TMPRSS7: variants seen among roughly 807,000 people sequenced by gnomAD.
TMPRSS7 encodes the protein transmembrane protease serine 7.
TMPRSS7 carries 81 observed loss-of-function variants against 95.6 expected under a neutral mutation model. That is an observed-to-expected ratio of 0.85 (90% confidence interval 0.71 to 1.02). The LOEUF (loss-of-function observed/expected upper bound fraction) is 1.02. Ranked by LOEUF, TMPRSS7 falls within the 50% of genes least tolerant of loss-of-function variation. The pLI is 0.00. For synonymous variants in TMPRSS7, 364 were observed against 337.8 expected (o/e 1.08, Z -0.85); for missense variants, 945 against 955.2 (o/e 0.99, Z 0.14).
At chr3:112,054,173 A>G (rs903832806) in intron 9 of TMPRSS7, among the ~76,000 whole-genome samples, 10 of 152,196 alleles carry the variant, frequency 6.6e-5, no homozygotes, top group African/African-American at 2.4e-4. Context: ...TGGGTTGTGT[A>G]CACACCACCA....
At chr3:112,073,974 G>A (rs1303189455) in intron 13 of TMPRSS7, among the ~76,000 whole-genome samples, 3 of 152,244 alleles carry the variant, frequency 2.0e-5, no homozygotes, top group Non-Finnish European at 2.9e-5. Flanking sequence ...GAGAATAAGA[G>A]AAGGTAATAG....
exon 14 of TMPRSS7, chr3:112,074,344 T>C: frequency 6.2e-7 from 1 of 1,614,094 alleles, no homozygotes; most frequent in Non-Finnish European, 8.5e-7. Context: ...GATATTTGCT[T>C]TAGGAAACAA....
chr3:112,040,941 T>A (rs764676485), intron 2 of TMPRSS7, among the ~76,000 whole-genome samples: 1 of 152,136 alleles, frequency 6.6e-6, no homozygotes, highest in Non-Finnish European at 1.5e-5. Flanking sequence ...GTAAATGTAG[T>A]CTGATTGAAT....
At position 112,063,643 on chromosome 3, in the gene TMPRSS7, A is replaced by G; in HGVS notation, c.1555+11A>G. 1 of 1,604,912 alleles carries G rather than the reference A, an allele frequency of 6.2e-7. No homozygotes were observed. The highest frequency in any genetic ancestry group is 1.1e-5 in the South Asian group (1 of 90,848). On this transcript the variant is annotated intron_variant, in intron 12 of 17. Coordinates refer to ENST00000452346, the Ensembl canonical transcript of TMPRSS7. Reference sequence around the variant, plus strand: ...ATGAACTGTTTTGCGGTGGGTATTCAAGATTTTAATATGACTTTCTTATGA... The same window carrying G: ...ATGAACTGTTTTGCGGTGGGTATTCGAGATTTTAATATGACTTTCTTATGA...
At chr3:112,064,649 C>A (rs1342905627) in intron 12 of TMPRSS7, among the ~76,000 whole-genome samples, 1 of 152,202 alleles carries the variant, frequency 6.6e-6, no homozygotes, top group African/African-American at 2.4e-5. Context: ...AGGCACGAGC[C>A]ACTGCAGCCA....
intron 13 of TMPRSS7, among the ~76,000 whole-genome samples, chr3:112,072,591 G>A (rs1576121336): frequency 6.6e-6 from 1 of 152,256 alleles, no homozygotes; most frequent in Non-Finnish European, 1.5e-5. Flanking sequence ...AGTCTATAGG[G>A]GCAGTAGGCC....
At position 112,057,140 on chromosome 3, in the gene TMPRSS7, T is replaced by C. The variant is rs2073443137; in HGVS notation, c.1310+9T>C. 6.5e-7 allele frequency: 1 copy of C among 1,531,708 alleles called. No homozygotes were observed. Among genetic ancestry groups the C allele is most frequent in the Admixed American group, 1.7e-5 (1 of 58,080 alleles). 94.9% of individuals were successfully genotyped at this position (1,531,708 alleles called of 1,614,324 possible). A position where few individuals can be genotyped will look rare whatever the true frequency, so the allele number is the denominator to read the frequency against. On this transcript the variant is annotated intron_variant, in intron 10 of 17. Transcript: ENST00000452346. The stretch of plus-strand genomic sequence containing the variant: ...GAAATTAATGAGCACATGTAAGTGA[T>C]TTTCATATGTTTTCATATGTGAGGC...
At chr3:112,066,861 G>C (rs915854727) in intron 13 of TMPRSS7, among the ~76,000 whole-genome samples, 3 of 151,766 alleles carry the variant, frequency 2.0e-5, no homozygotes, top group Non-Finnish European at 4.4e-5. Flanking sequence ...TTTAATTCTA[G>C]GGTACATGTG....
chr3:112,049,117 G>A (rs879419690), intron 7 of TMPRSS7, among the ~76,000 whole-genome samples: 21 of 152,170 alleles, frequency 1.4e-4, no homozygotes, highest in African/African-American at 4.6e-4. Flanking sequence ...GGTCAAGCCC[G>A]GGCCATTCCT....
chr3:112,071,103 T>C (rs1226372576), intron 13 of TMPRSS7, among the ~76,000 whole-genome samples: 2 of 152,226 alleles, frequency 1.3e-5, no homozygotes, highest in Non-Finnish European at 2.9e-5. Context: ...CTTTCCATGT[T>C]TAGTGCTTCC....
intron 9 of TMPRSS7, among the ~76,000 whole-genome samples, chr3:112,052,920 TGAA>T (rs199937018): frequency 7.2e-6 from 1 of 138,062 alleles, no homozygotes; most frequent in South Asian, 2.4e-4. Context: ...TGAGAAATGC[TGAA>T]GAAAAAAAAA....
intron 13 of TMPRSS7, among the ~76,000 whole-genome samples, chr3:112,071,616 C>T (rs1028430151): frequency 3.9e-5 from 6 of 152,170 alleles, no homozygotes; most frequent in African/African-American, 9.7e-5. Context: ...TTCACATAGT[C>T]GCATATTTCT....
At chr3:112,067,073 T>C (rs533886388) in intron 13 of TMPRSS7, among the ~76,000 whole-genome samples, 46 of 152,302 alleles carry the variant, frequency 3.0e-4, no homozygotes, top group Middle Eastern at 3.4e-3. Flanking sequence ...AGTGAGAACA[T>C]GCAGTGTTTG....
chr3:112,061,977 ATTT>A, intron 11 of TMPRSS7, 54 bp downstream of exon 11: 1 of 1,388,464 alleles, frequency 7.2e-7, no homozygotes. Context: ...AGAGGATAAC[ATTT>A]TATAATTCCA....
intron 2 of TMPRSS7, among the ~76,000 whole-genome samples, chr3:112,038,921 C>T (rs1313381676): frequency 1.3e-5 from 2 of 152,030 alleles, no homozygotes; most frequent in Non-Finnish European, 2.9e-5. Context: ...GAAGGATGCT[C>T]AGGAGATTTT....
chr3:112,039,527 G>T lies in TMPRSS7; in HGVS notation c.298+1206G>T, dbSNP rs143870778. The T allele has an allele frequency of 3.6e-3, 547 of 152,224 alleles. 9 individuals carry two copies. The highest frequency in any genetic ancestry group is 0.012 in the African/African-American group (485 of 41,522). The allele number at this position is 152,224 out of a possible 1,614,324, so 9.4% of individuals were successfully genotyped here. A position where few individuals can be genotyped will look rare whatever the true frequency, so the allele number is the denominator to read the frequency against. On this transcript the variant is annotated intron_variant, in intron 2 of 17. Coordinates refer to ENST00000452346, the Ensembl canonical transcript of TMPRSS7. ...TTAGAGGATTGTAACTTTCAAGAGG[G>T]GGCTGAAGATTGAGCTTAATCACGA...
intron 10 of TMPRSS7, among the ~76,000 whole-genome samples, chr3:112,058,585 T>C (rs2073461602): frequency 6.6e-6 from 1 of 152,248 alleles, no homozygotes; most frequent in African/African-American, 2.4e-5. Context: ...ACTTGTTGGA[T>C]AAATACTATA....
intron 17 of TMPRSS7, 102 bp from the exon 18 acceptor site, chr3:112,080,812 G>A: frequency 8.7e-7 from 1 of 1,155,356 alleles, no homozygotes; most frequent in Non-Finnish European, 1.2e-6. Context: ...GCAAAAACAT[G>A]TCATTAGAGG....
chr3:112,068,822 T>C (rs340150), intron 13 of TMPRSS7, among the ~76,000 whole-genome samples: 94,118 of 151,934 alleles, frequency 0.62, 29,171 homozygotes, highest in Middle Eastern at 0.69. Context: ...ACTTCTTTCT[T>C]CTGCCTGATT....
Sources: allele counts gnomAD v4.1 joint callset (sites outside exome capture counted in the v4.1 genomes callset), GRCh38; gene constraint gnomAD v4.1.1; transcripts MANE v1.5; gene names NCBI Gene and HGNC (gene_info 2026-07-23, HGNC 2026-07-21).